The following NALCN variants were observed in gnomAD, a reference collection of about 807,000 sequenced individuals.
The protein encoded by NALCN is sodium leak channel, non-selective, also known as sodium leak channel NALCN.
A neutral mutation model predicts 225.3 loss-of-function variants in NALCN; 111 were observed. That is an observed-to-expected ratio of 0.49 (90% CI 0.42 to 0.58). The LOEUF is 0.58. Ranked by LOEUF, NALCN falls within the 20% of genes least tolerant of loss-of-function variation. NALCN has a pLI of 0.00. For missense variants in NALCN, 1,378 were observed against 2,202.4 expected, an observed-to-expected ratio of 0.63 and a Z score of 7.49; for synonymous variants, 764 against 769.0, an observed-to-expected ratio of 0.99 and a Z score of 0.11.
intron 15 of NALCN, among the ~76,000 whole-genome samples, chr13:101,162,566 A>G (rs1211613745): frequency 6.6e-6 from 1 of 152,204 alleles, no homozygotes; most frequent in South Asian, 2.1e-4. Flanking sequence ...TAACACAACT[A>G]TAAGAGTGCC....
intron 18 of NALCN, chr13:101,116,655 G>C: frequency 2.3e-6 from 1 of 432,834 alleles, no homozygotes; most frequent in Non-Finnish European, 4.5e-6. Flanking sequence ...AGAAAAGTTA[G>C]ATTACACAAT....
intron 42 of NALCN, chr13:101,058,431 C>CT: frequency 6.7e-6 from 1 of 149,832 alleles, no homozygotes; most frequent in Non-Finnish European, 1.4e-5. Flanking sequence ...CGGGGGCAGT[C>CT]TACTGTCACC....
At chr13:101,341,534 T>A (rs2045559169) in intron 7 of NALCN, among the ~76,000 whole-genome samples, 1 of 152,228 alleles carries the variant, frequency 6.6e-6, no homozygotes, top group Admixed American at 6.5e-5. Flanking sequence ...AAAAGCTGCA[T>A]CCTTCGAATC....
chr13:101,097,410 TG>T (rs1304379022), intron 27 of NALCN, among the ~76,000 whole-genome samples: 4 of 152,184 alleles, frequency 2.6e-5, no homozygotes, highest in African/African-American at 9.6e-5. Context: ...TGTGTTGTAG[TG>T]TATTGTATAA....
Position 101,057,995 on chromosome 13 carries a change from T to C in NALCN, c.4967A>G (p.Asp1656Gly). The C allele has an allele frequency of 6.2e-7, 1 of 1,613,922 alleles. No homozygotes were observed. The highest frequency in any genetic ancestry group is 8.5e-7 in the Non-Finnish European group (1 of 1,180,024). ...TLSDRGGSRQ[D>G]AADAGKPQRK... ...CTGGGGTTTCCCTGCGTCGGCTGCA[T>C]CTTGCCGACTTCCTCCTCGATCCGA... The change falls in exon 43 of 44, where the codon GAT (aspartate) becomes GGT (glycine). Residue 1656 changes from aspartate (D) to glycine (G), a missense_variant. By Grantham distance (94) the Asp-to-Gly change is moderately conservative. Coordinates refer to ENST00000251127, the MANE Select transcript of NALCN (RefSeq NM_052867.4).
chr13:101,182,120 C>A (rs9585647), intron 14 of NALCN, among the ~76,000 whole-genome samples: 1 of 116,714 alleles, frequency 8.6e-6, no homozygotes, highest in Admixed American at 1.2e-4. Context: ...GGCAACAGAG[C>A]GAGACTCCAT....
In NALCN at chr13:101,229,396, C is replaced by T. The variant is rs115826662; in HGVS notation, c.1623G>A (p.Pro541=). The change falls in exon 13 of 44, where the codon CCG becomes CCA. Residue 541 remains proline, a synonymous_variant. Transcript: ENST00000251127. Reference sequence around the variant, plus strand: ...ACTGCATTTTTAAAACTCTTACCCTCGGAAACGTAGTAAATCTGTCCAGTT... The same window carrying T: ...ACTGCATTTTTAAAACTCTTACCCTTGGAAACGTAGTAAATCTGTCCAGTT... ...VEELDRFTTF[P]RAFMSMFQIL... The T allele has an allele frequency of 4.5e-4, 697 of 1,547,242 alleles. 1 individual carries two copies. In the African/African-American group the frequency reaches 8.4e-3, roughly 19 times the overall value.
intron 1 of NALCN, among the ~76,000 whole-genome samples, chr13:101,410,403 T>C (rs1043605894): frequency 2.6e-5 from 4 of 152,210 alleles, no homozygotes; most frequent in Admixed American, 6.5e-5. Context: ...AGAGTCTAAT[T>C]ATAAGCAACA....
chr13:101,143,014 C>T (rs1031674264), intron 17 of NALCN, 66 bp downstream of exon 17: 1 of 1,583,874 alleles, frequency 6.3e-7, no homozygotes, highest in Non-Finnish European at 8.7e-7. Flanking sequence ...CTAAAGAACT[C>T]TGCGGTTCTT....
chr13:101,170,516 C>G (rs1294673903), intron 15 of NALCN, among the ~76,000 whole-genome samples: 1 of 152,140 alleles, frequency 6.6e-6, no homozygotes, highest in Non-Finnish European at 1.5e-5. Flanking sequence ...TTAGCCCAGT[C>G]AAGTTGACAC....
At chr13:101,349,840 C>T (rs368920455) in intron 6 of NALCN, among the ~76,000 whole-genome samples, 58 of 152,140 alleles carry the variant, frequency 3.8e-4, no homozygotes, top group Non-Finnish European at 6.9e-4. Context: ...CACTTGGCTA[C>T]ACCACAAGTA....
At chr13:101,163,278 T>C (rs2038277126) in intron 15 of NALCN, among the ~76,000 whole-genome samples, 1 of 152,036 alleles carries the variant, frequency 6.6e-6, no homozygotes, top group South Asian at 2.1e-4. Context: ...AATTCTGAAT[T>C]AGCACAATTA....
intron 1 of NALCN, 28 bp from the exon 2 acceptor site, chr13:101,399,193 A>T: frequency 1.3e-6 from 2 of 1,573,180 alleles, no homozygotes; most frequent in Non-Finnish European, 1.7e-6. Context: ...TGTATTTGTC[A>T]TCTAAACCAT....
intron 18 of NALCN, among the ~76,000 whole-genome samples, chr13:101,115,542 C>T (rs1047118176): frequency 5.3e-5 from 8 of 152,148 alleles, no homozygotes; most frequent in Non-Finnish European, 1.0e-4. Context: ...TGCATACATC[C>T]TTAAAGTTAC....
chr13:101,165,975 C>T (rs1328101685), intron 15 of NALCN, among the ~76,000 whole-genome samples: 2 of 152,222 alleles, frequency 1.3e-5, no homozygotes, highest in African/African-American at 4.8e-5. Context: ...TTTAGATAAA[C>T]TCACATAAGA....
chr13:101,221,619 G>A lies in NALCN; in HGVS notation c.1626+7774C>T, dbSNP rs143224619. ...ACAACCCAGGATTTTGCTGCAATAT[G>A]TGGACAGTTTACTCCTTTGCAGCCC... On this transcript the variant is annotated intron_variant, in intron 13 of 43. Transcript: ENST00000251127. 1.5e-3 allele frequency among the ~76,000 whole-genome samples: 225 copies of A among 152,214 alleles called. 3 individuals are homozygous for A. The highest frequency in any genetic ancestry group is 2.6e-4 in the Non-Finnish European group (18 of 68,014).
intron 17 of NALCN, among the ~76,000 whole-genome samples, chr13:101,128,501 T>C (rs2036351798): frequency 6.6e-6 from 1 of 152,142 alleles, no homozygotes; most frequent in Non-Finnish European, 1.5e-5. Context: ...TACCCTTTTT[T>C]CCCCTTAAAA....
chr13:101,193,054 A>G (rs1420082359), intron 13 of NALCN, among the ~76,000 whole-genome samples: 1 of 151,946 alleles, frequency 6.6e-6, no homozygotes, highest in African/African-American at 2.4e-5. Context: ...ACACTGGGGG[A>G]CCTAAAGATA....
At chr13:101,195,632 C>T (rs562648391) in intron 13 of NALCN, among the ~76,000 whole-genome samples, 7 of 152,272 alleles carry the variant, frequency 4.6e-5, no homozygotes, top group African/African-American at 9.6e-5. Context: ...TGGCGTTATG[C>T]CTATCCCTAT....
Sources: allele counts gnomAD v4.1 joint callset (sites outside exome capture counted in the v4.1 genomes callset), GRCh38; gene constraint gnomAD v4.1.1; transcripts MANE v1.5; gene names NCBI Gene and HGNC (gene_info 2026-07-23, HGNC 2026-07-21).